The following PRSS12 variants were observed in gnomAD, a reference collection of about 807,000 sequenced individuals.
PRSS12 encodes neurotrypsin.
A neutral mutation model predicts 104.4 loss-of-function variants in PRSS12; 85 were observed. The ratio of observed to expected loss-of-function variants is 0.81; its 90% CI spans 0.68 to 0.98. The LOEUF is 0.98. Ranked by LOEUF, PRSS12 falls within the 50% of genes least tolerant of loss-of-function variation. The pLI is 0.00. For synonymous variants in PRSS12, 454 were observed against 425.2 expected (o/e 1.07, Z -0.83); for missense variants, 1,141 against 1,139.2 (o/e 1.00, Z -0.02).
intron 4 of PRSS12, among the ~76,000 whole-genome samples, chr4:118,321,531 G>A (rs1188729912): frequency 1.3e-5 from 2 of 152,190 alleles, no homozygotes; most frequent in Non-Finnish European, 2.9e-5. Flanking sequence ...ACACAGGGAT[G>A]ATAACGGCTA....
chr4:118,281,507 AGCATAAATAT>A lies in PRSS12; in HGVS notation c.*419_*428del. 4.8e-6 allele frequency: 1 copy of A among 206,816 alleles called. No individual in the cohort carries two copies. Among genetic ancestry groups the A allele is most frequent in the Non-Finnish European group, 1.0e-5 (1 of 99,524 alleles). 12.8% of individuals were successfully genotyped at this position (206,816 alleles called of 1,614,324 possible). ...TTGTCAAGTCTTTTGAAAAGACCTA[AGCATAAATAT>A]GCCACTCATGAGTGTAGTAAAGGGT... On this transcript the variant is annotated 3_prime_UTR_variant, in exon 13 of 13. Coordinates refer to ENST00000296498, the MANE Select transcript of PRSS12 (RefSeq NM_003619.4).
At chr4:118,313,023 G>T in intron 7 of PRSS12, 178 bp downstream of exon 7, 2 of 695,784 alleles carry the variant, frequency 2.9e-6, no homozygotes, top group Non-Finnish European at 4.7e-6. Context: ...TCATAATGTT[G>T]GCGCACAGAC....
chr4:118,288,887 T>C (rs1292874208), intron 11 of PRSS12, among the ~76,000 whole-genome samples: 4 of 152,216 alleles, frequency 2.6e-5, no homozygotes, highest in Non-Finnish European at 2.9e-5. Flanking sequence ...GTGTATTGCA[T>C]TAACATTAAG....
chr4:118,331,649 C>T (rs1723919186), intron 4 of PRSS12, 67 bp downstream of exon 4: 1 of 1,599,862 alleles, frequency 6.3e-7, no homozygotes, highest in Non-Finnish European at 8.6e-7. Context: ...ACAAACAGCA[C>T]CTGCCTTTGG....
chr4:118,329,868 C>A (rs1723872826), intron 4 of PRSS12, among the ~76,000 whole-genome samples: 1 of 152,118 alleles, frequency 6.6e-6, no homozygotes, highest in Admixed American at 6.6e-5. Context: ...AGAACACACG[C>A]CCATAATCAT....
chr4:118,323,458 A>G (rs1723684727), intron 4 of PRSS12, among the ~76,000 whole-genome samples: 1 of 151,722 alleles, frequency 6.6e-6, no homozygotes, highest in Non-Finnish European at 1.5e-5. Context: ...ATATAGGTGG[A>G]AAAAAAAGAA....
intron 6 of PRSS12, among the ~76,000 whole-genome samples, chr4:118,314,007 A>G (rs1743831549): frequency 6.6e-6 from 1 of 152,174 alleles, no homozygotes; most frequent in African/African-American, 2.4e-5. Context: ...TGCACTACAG[A>G]AACAAAACCT....
intron 1 of PRSS12, among the ~76,000 whole-genome samples, chr4:118,346,029 G>A (rs1288138833): frequency 1.3e-5 from 2 of 152,158 alleles, no homozygotes; most frequent in Admixed American, 6.5e-5. Context: ...GAAGTCTGTG[G>A]GGGAAATTCC....
chr4:118,303,977 G>C (rs547677762), intron 8 of PRSS12: 1 of 151,888 alleles, frequency 6.6e-6, no homozygotes, highest in South Asian at 2.1e-4. Context: ...ATTAAGAAAT[G>C]AGAGCTTTGG....
chr4:118,345,020 G>T (rs1000074015), intron 1 of PRSS12, among the ~76,000 whole-genome samples: 5 of 152,164 alleles, frequency 3.3e-5, no homozygotes, highest in African/African-American at 1.2e-4. Context: ...GGAAGGTAAT[G>T]AAAATGCTTA....
At chr4:118,319,115 T>C (rs1723537569) in intron 4 of PRSS12, among the ~76,000 whole-genome samples, 1 of 151,910 alleles carries the variant, frequency 6.6e-6, no homozygotes, top group Non-Finnish European at 1.5e-5. Context: ...GCTGGAGTGG[T>C]GTGGCATGAC....
intron 4 of PRSS12, among the ~76,000 whole-genome samples, chr4:118,320,391 A>G (rs928658816): frequency 2.0e-5 from 3 of 152,204 alleles, no homozygotes; most frequent in African/African-American, 7.2e-5. Context: ...ACTAGATAAC[A>G]TGGAAGTTTC....
In PRSS12 at chr4:118,313,208, G is replaced by C. The variant is rs780526840; in HGVS notation, c.1482C>G (p.Leu494=). Residue 494 remains leucine (L), a synonymous_variant, in exon 7 of 13, where the codon CTC becomes CTG. Coordinates refer to ENST00000296498, the MANE Select transcript of PRSS12 (RefSeq NM_003619.4). ...GCTGCAGCCAGTCCTCACCCAGAGA[G>C]AGCCTGTGTCCCTCGCCGCCAGGGT... The part of the protein sequence containing the change: ...ACYPGGEGHR[L]SLGFPVRLMD... 4.3e-6 allele frequency: 7 copies of C among 1,613,078 alleles called. No homozygotes were observed. Among genetic ancestry groups the C allele is most frequent in the Non-Finnish European group, 5.9e-6 (7 of 1,179,858 alleles).
At chr4:118,283,793 G>T (rs1742951424) in intron 11 of PRSS12, among the ~76,000 whole-genome samples, 1 of 151,940 alleles carries the variant, frequency 6.6e-6, no homozygotes, top group African/African-American at 2.4e-5. Flanking sequence ...GCATCACTTT[G>T]TAACAAAACT....
intron 8 of PRSS12, among the ~76,000 whole-genome samples, chr4:118,302,381 TA>T (rs1477386117): frequency 6.6e-6 from 1 of 152,220 alleles, no homozygotes; most frequent in East Asian, 1.9e-4. Flanking sequence ...CTTCATAAAA[TA>T]AATGGAAAGA....
chr4:118,310,146 A>G (rs1407262714), intron 7 of PRSS12, among the ~76,000 whole-genome samples: 1 of 152,224 alleles, frequency 6.6e-6, no homozygotes, highest in Non-Finnish European at 1.5e-5. Context: ...TACATCTGAA[A>G]TTTGGGAGTT....
At chr4:118,285,738 T>C (rs1742999070) in intron 11 of PRSS12, among the ~76,000 whole-genome samples, 2 of 152,224 alleles carry the variant, frequency 1.3e-5, no homozygotes, top group African/African-American at 4.8e-5. Context: ...AGTTACATTT[T>C]GCAATGATAA....
intron 8 of PRSS12, among the ~76,000 whole-genome samples, chr4:118,306,541 G>A (rs1286674411): frequency 2.6e-5 from 4 of 152,094 alleles, no homozygotes; most frequent in African/African-American, 9.7e-5. Flanking sequence ...AGCGGGGTGG[G>A]AGGGTGCCAC....
At chr4:118,307,490 G>A (rs1014420252) in intron 8 of PRSS12, among the ~76,000 whole-genome samples, 1 of 152,068 alleles carries the variant, frequency 6.6e-6, no homozygotes. Flanking sequence ...TCTACTCTGA[G>A]CTAGGCAATT....
Sources: allele counts gnomAD v4.1 joint callset (sites outside exome capture counted in the v4.1 genomes callset), GRCh38; gene constraint gnomAD v4.1.1; transcripts MANE v1.5; gene names NCBI Gene and HGNC (gene_info 2026-07-23, HGNC 2026-07-21).